The following GRAMD4 variants were observed in gnomAD, a reference collection of about 807,000 sequenced individuals.
The protein encoded by GRAMD4 is GRAM domain-containing protein 4.
GRAMD4 carries 25 observed loss-of-function variants against 83.9 expected under a neutral mutation model. The ratio of observed to expected loss-of-function variants is 0.30; its 90% CI spans 0.22 to 0.42. The LOEUF is 0.42. GRAMD4 is among the 10% of genes least tolerant of loss of function. GRAMD4 has a pLI of 1.00. For missense variants in GRAMD4, 593 were observed against 788.7 expected, an observed-to-expected ratio of 0.75 and a Z score of 2.97; for synonymous variants, 336 against 320.9, an observed-to-expected ratio of 1.05 and a Z score of -0.50.
intron 1 of GRAMD4, among the ~76,000 whole-genome samples, chr22:46,605,940 C>T (rs991455792): frequency 7.0e-6 from 1 of 142,580 alleles, no homozygotes; most frequent in Non-Finnish European, 1.5e-5. Flanking sequence ...CTGAGCATGT[C>T]TGCATGGGCT....
intron 3 of GRAMD4, among the ~76,000 whole-genome samples, chr22:46,644,186 C>T (rs958131262): frequency 6.6e-6 from 1 of 152,252 alleles, no homozygotes; most frequent in Non-Finnish European, 1.5e-5. Flanking sequence ...ACACTTGCCC[C>T]TGTTCTATGT....
intron 1 of GRAMD4, among the ~76,000 whole-genome samples, chr22:46,577,789 T>C (rs1227524378): frequency 6.6e-6 from 1 of 152,214 alleles, no homozygotes; most frequent in Non-Finnish European, 1.5e-5. Context: ...CCCCACTTTC[T>C]GCCCTGTCTT....
At chr22:46,633,721 A>C (rs2147197731) in intron 2 of GRAMD4, among the ~76,000 whole-genome samples, 1 of 152,238 alleles carries the variant, frequency 6.6e-6, no homozygotes, top group South Asian at 2.1e-4. Flanking sequence ...ACTTGAGACA[A>C]TCCCAGGAAG....
chr22:46,670,410 G>T (rs1214058798), intron 13 of GRAMD4, among the ~76,000 whole-genome samples: 1 of 152,186 alleles, frequency 6.6e-6, no homozygotes, highest in East Asian at 1.9e-4. Context: ...AGCCCCTCTG[G>T]CTAGCACCCA....
At chr22:46,648,891 G>GTAGACAA (rs2082121336) in intron 3 of GRAMD4, among the ~76,000 whole-genome samples, 2 of 122,632 alleles carry the variant, frequency 1.6e-5, no homozygotes, top group Admixed American at 7.9e-5. Flanking sequence ...TGGATGGATG[G>GTAGACAA]ATGGATGCAT....
chr22:46,654,472 C>T lies in GRAMD4; in HGVS notation c.284-3715C>T, dbSNP rs561146121. ...GTGATGATTACCTGAGTATTTCTGA[C>T]GAAGGTGTGCCAGAGCCGGCCCTCA... On this transcript the variant is annotated intron_variant, in intron 3 of 18. Transcript: ENST00000406902. Among the ~76,000 whole-genome samples, 156 of 152,274 alleles carry T rather than the reference C, an allele frequency of 1.0e-3. 1 individual carries two copies. Among genetic ancestry groups the T allele is most frequent in the African/African-American group, 3.6e-3 (149 of 41,564 alleles).
chr22:46,643,418 C>T (rs1327527226), intron 3 of GRAMD4, among the ~76,000 whole-genome samples: 1 of 152,092 alleles, frequency 6.6e-6, no homozygotes, highest in Admixed American at 6.5e-5. Context: ...AGACACAATG[C>T]CCCTGCATGC....
chr22:46,577,291 G>A lies in GRAMD4; in HGVS notation c.-50+1G>A. ...GAGTTGGCCCCGATATCCGCTCAGG[G>A]TAAGCGGCGCGCGCGGACACCCACC... is the stretch of plus-strand genomic sequence containing the variant. On this transcript the variant is annotated splice_donor_variant, in intron 1 of 1. Coordinates refer to the GRAMD4 transcript ENST00000431155. LOFTEE classifies it low-confidence loss of function (5UTR_SPLICE). The A allele has an allele frequency of 1.0e-6, 1 of 979,870 alleles. No individual in the cohort carries two copies. Among genetic ancestry groups the A allele is most frequent in the Non-Finnish European group, 1.2e-6 (1 of 827,622 alleles). The allele number at this position is 979,870 out of a possible 1,614,324, so 60.7% of individuals were successfully genotyped here.
Position 46,675,356 on chromosome 22 carries a change from C to T in GRAMD4, c.1479-112C>T, listed in dbSNP as rs936750640. ...GGTTCTGTGTCTGCTGGGAAGGGAG[C>T]ACCACTGTCCATCCCACTGGGGGCT... On this transcript the variant is annotated intron_variant, in intron 16 of 18. Transcript: ENST00000406902. The T allele has an allele frequency of 2.1e-5, 16 of 750,870 alleles. No individual in the cohort carries two copies. In the African/African-American group the frequency reaches 2.6e-4, roughly 12 times the overall value. 46.5% of individuals were successfully genotyped at this position (750,870 alleles called of 1,614,324 possible).
chr22:46,617,361 C>CATGTGTGCGGGTTCCCCT (rs1253027207), upstream of GRAMD4, among the ~76,000 whole-genome samples: 26 of 149,760 alleles, frequency 1.7e-4, no homozygotes, highest in Non-Finnish European at 3.6e-4. Context: ...TAGGTTCTCC[C>CATGTGTGCGGGTTCCCCT]ATGTGTGCGG....
chr22:46,666,722 G>A, intron 9 of GRAMD4, 103 bp from the exon 10 acceptor site: 1 of 948,228 alleles, frequency 1.1e-6, no homozygotes, highest in Non-Finnish European at 1.7e-6. Flanking sequence ...GACCTAGAAG[G>A]GCCCCCTCCA....
At position 46,677,304 on chromosome 22, in the gene GRAMD4, T is replaced by TTTTC; in HGVS notation, c.*56_*57insCTTT. On this transcript the variant is annotated 3_prime_UTR_variant, in exon 19 of 19. Coordinates refer to ENST00000406902, the MANE Select transcript of GRAMD4 (RefSeq NM_015124.5). The stretch of plus-strand genomic sequence containing the variant: ...ATTTTCTTTTTCTTTTTCTTTTTCT[T>TTTTC]TTTTTTTTTTTACGATTTGGTAGTG... The TTTTC allele has an allele frequency of 1.9e-6, 2 of 1,037,088 alleles. No homozygotes were observed. The highest frequency in any genetic ancestry group is 3.3e-5 in the East Asian group (1 of 30,242). The allele number at this position is 1,037,088 out of a possible 1,614,324, so 64.2% of individuals were successfully genotyped here.
intron 1 of GRAMD4, among the ~76,000 whole-genome samples, chr22:46,611,996 CAAAAAAAAA>C (rs61392000): frequency 2.0e-5 from 1 of 50,162 alleles, no homozygotes; most frequent in Non-Finnish European, 3.3e-5. Context: ...GACTCCATCT[CAAAAAAAAA>C]AAAAAAAAAA....
chr22:46,655,413 G>A (rs1045979359), intron 3 of GRAMD4, among the ~76,000 whole-genome samples: 27 of 152,180 alleles, frequency 1.8e-4, no homozygotes, highest in Non-Finnish European at 1.8e-4. Flanking sequence ...GGAGCCGGAC[G>A]GGAGGGTGTG....
In GRAMD4 at chr22:46,675,451, G is replaced by C; in HGVS notation, c.1479-17G>C. ...GGTTCAAGAGCCAGGCGACGCCTCT[G>C]TCCGTTCCCCTTCCAGTTACTTGTG... On this transcript the variant is annotated splice_polypyrimidine_tract_variant and intron_variant, in intron 16 of 18. Transcript: ENST00000406902. The C allele has an allele frequency of 1.3e-6, 2 of 1,594,584 alleles. No homozygotes were observed. The highest frequency in any genetic ancestry group is 1.7e-6 in the Non-Finnish European group (2 of 1,162,698).
chr22:46,585,578 T>C (rs2081141634), intron 1 of GRAMD4, among the ~76,000 whole-genome samples: 1 of 152,240 alleles, frequency 6.6e-6, no homozygotes, highest in African/African-American at 2.4e-5. Context: ...TTGCCTGGAA[T>C]ACAAGACTTT....
At chr22:46,636,354 G>T (rs1254042010) in intron 2 of GRAMD4, among the ~76,000 whole-genome samples, 1 of 152,154 alleles carries the variant, frequency 6.6e-6, no homozygotes, top group Non-Finnish European at 1.5e-5. Context: ...CCAGCGGGCG[G>T]GACAGATGGA....
intron 1 of GRAMD4, among the ~76,000 whole-genome samples, chr22:46,578,924 C>A (rs2081071153): frequency 6.6e-6 from 1 of 152,248 alleles, no homozygotes; most frequent in South Asian, 2.1e-4. Flanking sequence ...CAGGGAGATG[C>A]AGCTTGGTCC....
At position 46,621,685 on chromosome 22, in the gene GRAMD4, A is replaced by G. The variant is rs13057075; in HGVS notation, c.-50+1120A>G. 0.011 allele frequency among the ~76,000 whole-genome samples: 887 copies of G among 81,652 alleles called. 4 individuals are homozygous for G. Among genetic ancestry groups the G allele is most frequent in the African/African-American group, 0.014 (292 of 20,698 alleles). The allele number at this position is 81,652 out of a possible 152,430, so 53.6% of individuals were successfully genotyped here. A position where few individuals can be genotyped will look rare whatever the true frequency, so the allele number is the denominator to read the frequency against. On this transcript the variant is annotated intron_variant, in intron 1 of 18. Transcript: ENST00000406902. The surrounding 1 kb of genome is among the most constrained non-coding windows in gnomAD (Gnocchi z 5.8). Reference sequence around the variant, plus strand: ...AGGGCACCCCTACCCCGGTGCAGGCACAGGCTGGAGGCGTAGCCCGGGCCC... The same window carrying G: ...AGGGCACCCCTACCCCGGTGCAGGCGCAGGCTGGAGGCGTAGCCCGGGCCC...
Sources: allele counts gnomAD v4.1 joint callset (sites outside exome capture counted in the v4.1 genomes callset), GRCh38; gene constraint gnomAD v4.1.1; non-coding constraint Gnocchi (gnomAD v3.1); transcripts MANE v1.5; gene names NCBI Gene and HGNC (gene_info 2026-07-23, HGNC 2026-07-21).